The following PTK2 variants were observed in gnomAD, a reference collection of about 807,000 sequenced individuals.
PTK2 encodes the protein focal adhesion kinase 1.
PTK2 carries 45 observed loss-of-function variants against 150.1 expected under a neutral mutation model. That is an observed-to-expected ratio of 0.30 (90% confidence interval 0.24 to 0.38). The LOEUF is 0.38. Ranked by LOEUF, PTK2 falls within the 10% of genes least tolerant of loss-of-function variation. The probability of loss-of-function intolerance (pLI) is 1.00; values close to 1 mark genes in which losing one functional copy is unlikely to be tolerated. For synonymous variants in PTK2, 432 were observed against 449.2 expected (o/e 0.96, Z 0.48); for missense variants, 919 against 1,307.3 (o/e 0.70, Z 4.58).
At chr8:140,916,889 A>G (rs1255731018) in intron 2 of PTK2, among the ~76,000 whole-genome samples, 1 of 152,208 alleles carries the variant, frequency 6.6e-6, no homozygotes, top group East Asian at 1.9e-4. Flanking sequence ...TACCTCAATT[A>G]TCGCATCTGG....
chr8:140,933,595 C>T (rs1284920758), intron 1 of PTK2, among the ~76,000 whole-genome samples: 1 of 152,156 alleles, frequency 6.6e-6, no homozygotes, highest in Non-Finnish European at 1.5e-5. Context: ...CTGATACATG[C>T]TACAACATGG....
rs572054570 is a variant in PTK2, at chr8:140,683,310, C to T, written c.2562+3322G>A. Among the ~76,000 whole-genome samples the T allele has an allele frequency of 7.9e-5, 12 of 152,182 alleles. No homozygotes were observed. The South Asian group carries it at 2.3e-3, about 29-fold the overall frequency. The stretch of plus-strand genomic sequence containing the variant: ...TCCCAAGACTGAGCCAGGAAGAAAG[C>T]GAATCCCTGAACAGACCAATAATGA... On this transcript the variant is annotated intron_variant, in intron 27 of 31. Transcript: ENST00000522684.
At chr8:140,795,457 T>C (rs954641034) in intron 12 of PTK2, among the ~76,000 whole-genome samples, 1 of 152,184 alleles carries the variant, frequency 6.6e-6, no homozygotes, top group African/African-American at 2.4e-5. Flanking sequence ...GGTTCTGTTT[T>C]CCACCCCTTC....
intron 2 of PTK2, among the ~76,000 whole-genome samples, chr8:140,922,936 A>C (rs2100168089): frequency 6.6e-6 from 1 of 152,138 alleles, no homozygotes; most frequent in Non-Finnish European, 1.5e-5. Flanking sequence ...GAGTGGTGTA[A>C]GCACAGGGTG....
rs752321117 is a variant in PTK2, at chr8:140,725,090, A to G, written c.2031-7381T>C. On this transcript the variant is annotated intron_variant, in intron 22 of 31. Transcript: ENST00000522684. ...GGTTATTGTGCTGTATCGATCTCAAAATTATTTTTAAAAAAACCCTGATAT... is the reference window on the plus strand; with the variant it reads ...GGTTATTGTGCTGTATCGATCTCAAGATTATTTTTAAAAAAACCCTGATAT... 3.2e-4 allele frequency among the ~76,000 whole-genome samples: 49 copies of G among 152,262 alleles called. No individual in the cohort carries two copies. The Middle Eastern group carries it at 0.01, about 32-fold the overall frequency.
intron 1 of PTK2, among the ~76,000 whole-genome samples, chr8:140,932,862 C>CTTTT (rs10667084): frequency 0.55 from 81,993 of 149,924 alleles, 23,430 homozygotes; most frequent in African/African-American, 0.7. Context: ...CTTCCTTCCC[C>CTTTT]TTTTTTTGAG....
intron 12 of PTK2, among the ~76,000 whole-genome samples, chr8:140,794,575 T>C (rs879103142): frequency 6.6e-6 from 1 of 152,168 alleles, no homozygotes; most frequent in Admixed American, 6.5e-5. Flanking sequence ...TCATTTACAG[T>C]TAGCACTTAA....
intron 23 of PTK2, among the ~76,000 whole-genome samples, chr8:140,714,373 C>A (rs571061846): frequency 2.0e-5 from 3 of 151,672 alleles, no homozygotes; most frequent in Admixed American, 1.3e-4. Context: ...ATCTAAGTGG[C>A]TCTGGAGGCC....
chr8:140,761,448 T>C (rs545501173), intron 15 of PTK2, among the ~76,000 whole-genome samples, 186 bp from the exon 19 acceptor site: 3 of 152,304 alleles, frequency 2.0e-5, no homozygotes, highest in African/African-American at 4.8e-5. Context: ...TAATTAGTTA[T>C]GGTATTAGAA....
chr8:140,884,588 C>G (rs897605503), intron 3 of PTK2, among the ~76,000 whole-genome samples: 1 of 152,176 alleles, frequency 6.6e-6, no homozygotes, highest in African/African-American at 2.4e-5. Flanking sequence ...TAACAATAAA[C>G]ACTGAAGACC....
chr8:140,769,020 T>C (rs2100074027), intron 14 of PTK2, among the ~76,000 whole-genome samples: 1 of 152,284 alleles, frequency 6.6e-6, no homozygotes, highest in East Asian at 1.9e-4. Context: ...GCAAGCAGTA[T>C]ATGAAGTAGA....
At chr8:140,904,183 G>A (rs1179182907) in intron 2 of PTK2, among the ~76,000 whole-genome samples, 4 of 152,092 alleles carry the variant, frequency 2.6e-5, no homozygotes, top group South Asian at 2.1e-4. Context: ...CCATCAATAC[G>A]TACTTTATTG....
exon 32 of PTK2, chr8:140,659,305 G>C: frequency 1.7e-6 from 1 of 583,964 alleles, no homozygotes; most frequent in Non-Finnish European, 2.9e-6. Flanking sequence ...TCAAAGTGTG[G>C]TTAAACTTAT....
At chr8:140,814,759 A>G (rs2100103626) in intron 10 of PTK2, among the ~76,000 whole-genome samples, 1 of 152,120 alleles carries the variant, frequency 6.6e-6, no homozygotes, top group Admixed American at 6.6e-5. Flanking sequence ...TATATACCCA[A>G]AGGAATATAA....
chr8:140,916,959 A>G (rs2100165488), intron 2 of PTK2, among the ~76,000 whole-genome samples: 1 of 152,236 alleles, frequency 6.6e-6, no homozygotes, highest in Admixed American at 6.5e-5. Context: ...TGAGAATGGA[A>G]TAACATGTAT....
intron 1 of PTK2, among the ~76,000 whole-genome samples, chr8:140,953,910 ATTTTTGT>A (rs1302885432): frequency 2.0e-5 from 3 of 151,710 alleles, no homozygotes; most frequent in Admixed American, 6.6e-5. Context: ...ACACCTGACA[ATTTTTGT>A]TTTTTGTTTT....
chr8:140,783,445 G>A (rs1236861647), intron 14 of PTK2, among the ~76,000 whole-genome samples: 1 of 152,168 alleles, frequency 6.6e-6, no homozygotes, highest in Non-Finnish European at 1.5e-5. Context: ...TGATGCCTGT[G>A]GATGGGCCAG....
intron 4 of PTK2, among the ~76,000 whole-genome samples, chr8:140,873,623 G>T (rs537319297): frequency 6.6e-6 from 1 of 152,036 alleles, no homozygotes. Context: ...CCGCCATGAC[G>T]CCTGGTAATT....
chr8:140,934,209 C>G (rs2100172865), intron 1 of PTK2, among the ~76,000 whole-genome samples: 1 of 152,144 alleles, frequency 6.6e-6, no homozygotes, highest in Admixed American at 6.5e-5. Flanking sequence ...AAACCCTTGG[C>G]TTTCCCCTCA....
Sources: allele counts gnomAD v4.1 joint callset (sites outside exome capture counted in the v4.1 genomes callset), GRCh38; gene constraint gnomAD v4.1.1; transcripts MANE v1.5; gene names NCBI Gene and HGNC (gene_info 2026-07-23, HGNC 2026-07-21).